Variants in EXD3 observed in about 807,000 individuals in gnomAD.
EXD3 encodes the protein exonuclease mut-7 homolog.
A neutral mutation model predicts 98.0 loss-of-function variants in EXD3; 92 were observed. The ratio of observed to expected loss-of-function variants is 0.94; its 90% CI spans 0.79 to 1.12. The LOEUF (loss-of-function observed/expected upper bound fraction) is 1.12. Ranked by LOEUF, EXD3 falls within the 50% of genes most tolerant of loss-of-function variation. The pLI is 0.00. For synonymous variants in EXD3, 569 were observed against 526.0 expected, an observed-to-expected ratio of 1.08 and a Z score of -1.12; for missense variants, 1,222 against 1,191.6, an observed-to-expected ratio of 1.03 and a Z score of -0.38.
intron 17 of EXD3, among the ~76,000 whole-genome samples, chr9:137,332,323 C>T (rs1219351789): frequency 6.6e-6 from 1 of 152,222 alleles, no homozygotes. Flanking sequence ...GGCGCAGTGG[C>T]TCACGCCTGT....
chr9:137,307,412 G>A lies in EXD3; in HGVS notation c.2318-149C>T, dbSNP rs113267547. 3,039 of 1,328,042 alleles carry A rather than the reference G, an allele frequency of 2.3e-3. 43 individuals carry two copies. The African/African-American group carries it at 0.031, about 13-fold the overall frequency. 82.3% of individuals were successfully genotyped at this position (1,328,042 alleles called of 1,614,324 possible). ...TCTGCTCCCTATCCGCTGACTCTGC[G>A]TCCTCCACTTCCTCTTCTGTGCCCA... On this transcript the variant is annotated intron_variant, in intron 21 of 21. Transcript: ENST00000340951.
At chr9:137,356,128 G>C in intron 8 of EXD3, 140 bp downstream of exon 8, 1 of 654,508 alleles carries the variant, frequency 1.5e-6, no homozygotes, top group South Asian at 1.8e-5. Context: ...AGCTGGGCAA[G>C]AGGCAGGGAG....
rs1445472393 is a variant in EXD3 at position 137,349,477 on chromosome 9, C to T, written c.1549G>A (p.Gly517Ser). 2 of 1,603,840 alleles carry T rather than the reference C, an allele frequency of 1.2e-6. No homozygotes were observed. Among genetic ancestry groups the T allele is most frequent in the Non-Finnish European group, 1.7e-6 (2 of 1,177,982 alleles). The change falls in exon 15 of 22, where the codon GGC becomes AGC. Residue 517 changes from glycine (G) to serine (S), a missense_variant. Coordinates refer to ENST00000340951, the MANE Select transcript of EXD3 (RefSeq NM_017820.5). This position sits in a 1 kb window ranked among gnomAD's most constrained non-coding sequence, Gnocchi z 7.4. ...ACCTGCTGCACCAGGAGGCTCAGGC[C>T]CCTCAGCTCCCTGGCCCTGTCCACG... ...PAVDRARELR[G>S]LSLLVQQVLG... is the part of the protein sequence containing the mutation.
chr9:137,376,907 C>G (rs895756235), intron 3 of EXD3, among the ~76,000 whole-genome samples: 1 of 135,824 alleles, frequency 7.4e-6, no homozygotes, highest in Non-Finnish European at 1.5e-5. Flanking sequence ...CCAGGCTGGG[C>G]GACAAGAGAG....
rs937044331 is a variant in EXD3 at position 137,385,311 on chromosome 9, G to A, written c.56-1934C>T. Reference sequence around the variant, plus strand: ...GCATCAGCCCCGGGACGATGCCCAGGTGGGGAGGACGTACCCCACCACGTG... The same window carrying A: ...GCATCAGCCCCGGGACGATGCCCAGATGGGGAGGACGTACCCCACCACGTG... On this transcript the variant is annotated intron_variant, in intron 2 of 21. Coordinates refer to ENST00000340951, the MANE Select transcript of EXD3 (RefSeq NM_017820.5). The surrounding 1 kb of genome is among the most constrained non-coding windows in gnomAD (Gnocchi z 4.4). 6.6e-6 allele frequency among the ~76,000 whole-genome samples: 1 copy of A among 152,080 alleles called. No individual in the cohort carries two copies. The highest frequency in any genetic ancestry group is 1.5e-5 in the Non-Finnish European group (1 of 68,030).
chr9:137,397,842 C>T (rs1005428585), intron 1 of EXD3, among the ~76,000 whole-genome samples: 16 of 152,050 alleles, frequency 1.1e-4, no homozygotes, highest in South Asian at 8.3e-4. Context: ...ACTCAGCAAG[C>T]GGAGGCAGAA....
intron 17 of EXD3, among the ~76,000 whole-genome samples, chr9:137,331,978 C>T (rs745869582): frequency 3.9e-5 from 6 of 151,954 alleles, no homozygotes; most frequent in East Asian, 1.9e-4. Flanking sequence ...ACAATATCTG[C>T]GCAACGACAA....
rs548233949 is a variant in EXD3 at position 137,395,122 on chromosome 9, A to G, written c.55+181T>C. 6.6e-6 allele frequency among the ~76,000 whole-genome samples: 1 copy of G among 152,170 alleles called. No homozygotes were observed. Among genetic ancestry groups the G allele is most frequent in the Non-Finnish European group, 1.5e-5 (1 of 67,988 alleles). The stretch of plus-strand genomic sequence containing the variant: ...TGACCCCCGAGGACAACAAGGCCAC[A>G]GTGGGGCCTCCGGACTCACAAGGTC... On this transcript the variant is annotated intron_variant, in intron 2 of 21. Coordinates refer to ENST00000340951, the MANE Select transcript of EXD3 (RefSeq NM_017820.5). This position sits in a 1 kb window ranked among gnomAD's most constrained non-coding sequence, Gnocchi z 6.5.
chr9:137,420,235 TTTG>T (rs1378704638), intron 1 of EXD3, among the ~76,000 whole-genome samples: 9 of 152,232 alleles, frequency 5.9e-5, no homozygotes, highest in African/African-American at 2.2e-4. Context: ...TTTATGATTT[TTTG>T]TTGTTATCGA....
intron 6 of EXD3, 96 bp from the exon 7 acceptor site, chr9:137,366,728 GA>G: frequency 6.9e-7 from 1 of 1,451,046 alleles, no homozygotes; most frequent in Non-Finnish European, 9.2e-7. Context: ...GTGTCAGAAC[GA>G]AAGGGGCCCA....
intron 13 of EXD3, 69 bp from the exon 14 acceptor site, chr9:137,351,216 T>G: frequency 6.5e-7 from 1 of 1,533,302 alleles, no homozygotes; most frequent in Non-Finnish European, 8.8e-7. Flanking sequence ...GACCCCAGGG[T>G]GCACCCAGCA....
chr9:137,418,079 G>A (rs1211752626), intron 1 of EXD3, among the ~76,000 whole-genome samples: 1 of 152,180 alleles, frequency 6.6e-6, no homozygotes, highest in Non-Finnish European at 1.5e-5. Flanking sequence ...GGGCGCAGTG[G>A]CTCACACCTG....
At chr9:137,368,641 G>T (rs749375841) in intron 5 of EXD3, among the ~76,000 whole-genome samples, 7 of 152,228 alleles carry the variant, frequency 4.6e-5, no homozygotes, top group Non-Finnish European at 2.9e-5. Context: ...AGCAGCCCGC[G>T]GAGCATCGGC....
intron 5 of EXD3, among the ~76,000 whole-genome samples, chr9:137,369,176 G>T (rs951781760): frequency 1.4e-5 from 2 of 147,100 alleles, no homozygotes; most frequent in Admixed American, 1.3e-4. Flanking sequence ...GGGAAGGGGC[G>T]CAGGGCCGGG....
intron 17 of EXD3, among the ~76,000 whole-genome samples, chr9:137,336,250 T>G (rs1453593270): frequency 6.6e-6 from 1 of 152,150 alleles, no homozygotes; most frequent in Non-Finnish European, 1.5e-5. Context: ...ACACAATTCA[T>G]CCATGTAACC....
At chr9:137,354,636 C>T in intron 9 of EXD3, 64 bp downstream of exon 9, 1 of 1,599,964 alleles carries the variant, frequency 6.3e-7, no homozygotes, top group Non-Finnish European at 8.5e-7. Flanking sequence ...GTGAGTATCC[C>T]AGGCCAAACT....
intron 19 of EXD3, among the ~76,000 whole-genome samples, chr9:137,312,323 C>A (rs530153434): frequency 2.3e-4 from 35 of 152,278 alleles, no homozygotes; most frequent in Non-Finnish European, 4.3e-4. Flanking sequence ...GAATGGGGGG[C>A]AGGAATGGCT....
chr9:137,387,091 C>A (rs1048631822), intron 2 of EXD3, among the ~76,000 whole-genome samples: 4 of 151,608 alleles, frequency 2.6e-5, no homozygotes, highest in Admixed American at 1.3e-4. Flanking sequence ...TTGCTTCCTG[C>A]CTGGCCCCCG....
rs2131813069 is a variant in EXD3, at chr9:137,407,356, A to G, written c.-47-11952T>C. Among the ~76,000 whole-genome samples, 1 of 152,292 alleles carries G rather than the reference A, an allele frequency of 6.6e-6. No individual in the cohort carries two copies. Among genetic ancestry groups the G allele is most frequent in the East Asian group, 1.9e-4 (1 of 5,168 alleles). ...TGTCCGCCTGCCCTAAATACCGCAGAGGTGACTGCTCCCCCGCGAAGCCCA... is the reference window on the plus strand; with the variant it reads ...TGTCCGCCTGCCCTAAATACCGCAGGGGTGACTGCTCCCCCGCGAAGCCCA... On this transcript the variant is annotated intron_variant, in intron 1 of 21. Coordinates refer to ENST00000340951, the MANE Select transcript of EXD3 (RefSeq NM_017820.5). This position sits in a 1 kb window ranked among gnomAD's most constrained non-coding sequence, Gnocchi z 4.4.
Sources: gnomAD v4.1 joint callset for allele counts (sites outside exome capture counted in the v4.1 genomes callset) on GRCh38, gnomAD v4.1.1 for gene constraint, Gnocchi (gnomAD v3.1) non-coding constraint, MANE v1.5 for transcripts, NCBI Gene and HGNC (gene_info 2026-07-23, HGNC 2026-07-21) for gene names.